CELSR1: variants seen among roughly 807,000 people sequenced by gnomAD.
CELSR1 encodes the protein adhesion G protein-coupled receptor C1.
CELSR1 carries 110 observed loss-of-function variants against 249.1 expected under a neutral mutation model. The observed-to-expected ratio is 0.44, with a 90% CI of 0.38 to 0.52. The LOEUF is 0.52. Among genes scored for constraint, CELSR1 ranks in the 20% least tolerant of loss-of-function variants. CELSR1 has a pLI of 0.00. For synonymous variants in CELSR1, 2,113 were observed against 1,900.0 expected (o/e 1.11, Z -2.92); for missense variants, 4,109 against 4,296.4 (o/e 0.96, Z 1.22).
Position 46,423,563 on chromosome 22 carries a change from C to A in CELSR1, c.4611+9830G>T, listed in dbSNP as rs1315511630. On this transcript the variant is annotated intron_variant, in intron 5 of 34. Transcript: ENST00000674500. The surrounding 1 kb of genome is among the most constrained non-coding windows in gnomAD (Gnocchi z 5.6). ...GAGGTTGCGGTGAGCCGAGATCGCGCCTTTACACTCCAGCCTGGGCAACAG... is the reference window on the plus strand; with the variant it reads ...GAGGTTGCGGTGAGCCGAGATCGCGACTTTACACTCCAGCCTGGGCAACAG... Among the ~76,000 whole-genome samples, 2 of 148,082 alleles carry A rather than the reference C, an allele frequency of 1.4e-5. No individual in the cohort carries two copies. Among genetic ancestry groups the A allele is most frequent in the East Asian group, 4.0e-4 (2 of 4,994 alleles).
rs184550349 is a variant in CELSR1 at position 46,441,088 on chromosome 22, G to C, written c.4184-1677C>G. ...GAACTGCTTCAACCCGGGAGGCGGA[G>C]GTTGTAGCGAGCCGAGGTCACACTA... On this transcript the variant is annotated intron_variant, in intron 2 of 34. Coordinates refer to ENST00000674500, the MANE Select transcript of CELSR1 (RefSeq NM_001378328.1). This position sits in a 1 kb window ranked among gnomAD's most constrained non-coding sequence, Gnocchi z 6.1. Among the ~76,000 whole-genome samples, 787 of 151,912 alleles carry C rather than the reference G, an allele frequency of 5.2e-3. 7 individuals are homozygous for C. The highest frequency in any genetic ancestry group is 0.018 in the African/African-American group (748 of 41,398).
chr22:46,372,581 C>A (rs575512674), intron 25 of CELSR1, among the ~76,000 whole-genome samples: 1 of 151,756 alleles, frequency 6.6e-6, no homozygotes, highest in Non-Finnish European at 1.5e-5. Flanking sequence ...CTCACTCGCT[C>A]TTCCCTCCAT....
rs537034160 is a variant in CELSR1 at position 46,446,007 on chromosome 22, G to A, written c.4184-6596C>T. 6.6e-5 allele frequency among the ~76,000 whole-genome samples: 10 copies of A among 152,048 alleles called. No homozygotes were observed. The South Asian group carries it at 1.7e-3, about 25-fold the overall frequency. ...CAGACCTACTTGTCCCTTGCCTCGC[G>A]ACAGCACAGTCCTCCACAACGCTGG... On this transcript the variant is annotated intron_variant, in intron 2 of 34. Coordinates refer to ENST00000674500, the MANE Select transcript of CELSR1 (RefSeq NM_001378328.1). This position sits in a 1 kb window ranked among gnomAD's most constrained non-coding sequence, Gnocchi z 5.5.
chr22:46,436,623 C>T lies in CELSR1; in HGVS notation c.4407-334G>A, dbSNP rs1263464502. Among the ~76,000 whole-genome samples, 1 of 152,152 alleles carries T rather than the reference C, an allele frequency of 6.6e-6. No homozygotes were observed. The highest frequency in any genetic ancestry group is 1.5e-5 in the Non-Finnish European group (1 of 68,034). ...GTGTTTGGGCAAAGCACGTGCTGTA[C>T]ATTTTCTGCTGCTGTGAACAGATCC... On this transcript the variant is annotated intron_variant, in intron 3 of 34. Coordinates refer to ENST00000674500, the MANE Select transcript of CELSR1 (RefSeq NM_001378328.1). The surrounding 1 kb of genome is among the most constrained non-coding windows in gnomAD (Gnocchi z 5.9).
chr22:46,402,908 C>A lies in CELSR1; in HGVS notation c.5227-3006G>T, dbSNP rs568432338. Among the ~76,000 whole-genome samples, 14 of 151,930 alleles carry A rather than the reference C, an allele frequency of 9.2e-5. No individual in the cohort carries two copies. Among genetic ancestry groups the A allele is most frequent in the Non-Finnish European group, 1.5e-4 (10 of 68,004 alleles). On this transcript the variant is annotated intron_variant, in intron 9 of 34. Transcript: ENST00000674500. This position sits in a 1 kb window ranked among gnomAD's most constrained non-coding sequence, Gnocchi z 5.0. ...CTATTAGCACACTGCTTATATTATACCTGAAATATAAGGATACAGAAAATG... is the reference window on the plus strand; with the variant it reads ...CTATTAGCACACTGCTTATATTATAACTGAAATATAAGGATACAGAAAATG...
At chr22:46,460,673 A>G (rs2080015446) in intron 2 of CELSR1, among the ~76,000 whole-genome samples, 1 of 152,206 alleles carries the variant, frequency 6.6e-6, no homozygotes, top group Non-Finnish European at 1.5e-5. Context: ...CTGGGAGGCC[A>G]TCCCAGGCAC....
intron 27 of CELSR1, 33 bp from the exon 28 acceptor site, chr22:46,367,888 C>A (rs756058174): frequency 3.8e-6 from 6 of 1,590,578 alleles, no homozygotes; most frequent in Middle Eastern, 2.2e-4. Flanking sequence ...CTGTGCCCAT[C>A]GCCACCACCT....
intron 1 of CELSR1, chr22:46,530,572 T>C (rs1167768757): frequency 6.6e-6 from 1 of 152,134 alleles, no homozygotes; most frequent in Non-Finnish European, 1.5e-5. Flanking sequence ...TAAAATCTCA[T>C]TCAAAAACTA....
Position 46,446,112 on chromosome 22 carries a change from C to T in CELSR1, c.4184-6701G>A, listed in dbSNP as rs996732509. ...AGCCTAAGGGGTCCCAGGGCCCAGC[C>T]CCCAGCCACACACCCAGCCCCCTCC... On this transcript the variant is annotated intron_variant, in intron 2 of 34. Transcript: ENST00000674500. The surrounding 1 kb of genome is among the most constrained non-coding windows in gnomAD (Gnocchi z 5.5). 6.6e-6 allele frequency among the ~76,000 whole-genome samples: 1 copy of T among 152,184 alleles called. No homozygotes were observed. Among genetic ancestry groups the T allele is most frequent in the African/African-American group, 2.4e-5 (1 of 41,454 alleles).
chr22:46,432,983 A>T (rs1187523387), intron 5 of CELSR1, among the ~76,000 whole-genome samples: 1 of 152,128 alleles, frequency 6.6e-6, no homozygotes, highest in African/African-American at 2.4e-5. Context: ...AAAAAAATTC[A>T]GAGCACAAAT....
intron 19 of CELSR1, among the ~76,000 whole-genome samples, chr22:46,385,711 T>A: frequency 6.8e-6 from 1 of 146,980 alleles, no homozygotes. Flanking sequence ...GGAGTCTGGC[T>A]CTCTCGCCCA....
chr22:46,482,034 A>G (rs2080271597), intron 1 of CELSR1, among the ~76,000 whole-genome samples: 1 of 152,154 alleles, frequency 6.6e-6, no homozygotes, highest in South Asian at 2.1e-4. Flanking sequence ...CAGCCTCCCA[A>G]AGTGCTGGGA....
chr22:46,366,364 G>A (rs186247668), intron 30 of CELSR1, 22 bp downstream of exon 30: 40 of 1,538,536 alleles, frequency 2.6e-5, no homozygotes, highest in African/African-American at 1.7e-4. Context: ...CCACCTCCCC[G>A]AACCCGGAGC....
Position 46,468,107 on chromosome 22 carries a change from G to T in CELSR1, c.3545-3762C>A, listed in dbSNP as rs1485546424. On this transcript the variant is annotated intron_variant, in intron 1 of 34. Coordinates refer to ENST00000674500, the MANE Select transcript of CELSR1 (RefSeq NM_001378328.1). The surrounding 1 kb of genome is among the most constrained non-coding windows in gnomAD (Gnocchi z 4.5). ...TAACGGATTAAAACAATGTGGTCTGGCCAGGTGTGGTGGCTTACACCTGTA... is the reference window on the plus strand; with the variant it reads ...TAACGGATTAAAACAATGTGGTCTGTCCAGGTGTGGTGGCTTACACCTGTA... 1.3e-5 allele frequency among the ~76,000 whole-genome samples: 2 copies of T among 151,894 alleles called. No individual in the cohort carries two copies. Among genetic ancestry groups the T allele is most frequent in the Non-Finnish European group, 2.9e-5 (2 of 67,996 alleles).
At chr22:46,386,190 C>T (rs1175931366) in intron 19 of CELSR1, among the ~76,000 whole-genome samples, 1 of 152,082 alleles carries the variant, frequency 6.6e-6, no homozygotes, top group East Asian at 1.9e-4. Context: ...GGCTGGTCTC[C>T]AACTCCTGAC....
At chr22:46,470,093 A>C (rs1569186765) in intron 1 of CELSR1, among the ~76,000 whole-genome samples, 1 of 142,210 alleles carries the variant, frequency 7.0e-6, no homozygotes. Context: ...TTTTCATGTG[A>C]GCTATTTTTT....
chr22:46,488,910 C>T lies in CELSR1; in HGVS notation c.3545-24565G>A, dbSNP rs1015545297. ...TCCTGACCTCATGATCCGCCTGCCT[C>T]GGCTTCCCAAAGTGTTGGGATTACA... is the stretch of plus-strand genomic sequence containing the variant. On this transcript the variant is annotated intron_variant, in intron 1 of 34. Transcript: ENST00000674500. The surrounding 1 kb of genome is among the most constrained non-coding windows in gnomAD (Gnocchi z 4.7). Among the ~76,000 whole-genome samples the T allele has an allele frequency of 5.3e-5, 8 of 152,106 alleles. No individual in the cohort carries two copies. The South Asian group carries it at 1.0e-3, about 20-fold the overall frequency.
At chr22:46,493,824 C>T (rs537739411) in intron 1 of CELSR1, among the ~76,000 whole-genome samples, 1 of 152,084 alleles carries the variant, frequency 6.6e-6, no homozygotes, top group African/African-American at 2.4e-5. Context: ...CCTTTGCTTT[C>T]CACCATGATT....
Position 46,534,151 on chromosome 22 carries a change from A to C in CELSR1, c.3020T>G (p.Phe1007Cys). ...PMFEKDELEL[F>C]VEENNPVGSV... is the part of the protein sequence containing the mutation. ...CCCCACTGGGTTGTTCTCCTCAACA[A>C]ACAGCTCCAGTTCGTCCTTCTCAAA... The change falls in exon 1 of 35, where the codon TTT (phenylalanine) becomes TGT (cysteine). Residue 1007 changes from phenylalanine (F) to cysteine (C), a missense_variant. Around this residue, in one of 7 missense-constraint regions of CELSR1, gnomAD observed 886 missense variants for 896.5 expected, o/e 0.99. Coordinates refer to ENST00000674500, the MANE Select transcript of CELSR1 (RefSeq NM_001378328.1). This position sits in a 1 kb window ranked among gnomAD's most constrained non-coding sequence, Gnocchi z 9.7. 6.2e-7 allele frequency: 1 copy of C among 1,613,854 alleles called. No individual in the cohort carries two copies. The highest frequency in any genetic ancestry group is 8.5e-7 in the Non-Finnish European group (1 of 1,180,038).
Sources: allele counts gnomAD v4.1 joint callset (sites outside exome capture counted in the v4.1 genomes callset), GRCh38; gene constraint gnomAD v4.1.1; regional missense constraint gnomAD v4.1.1; non-coding constraint Gnocchi (gnomAD v3.1); transcripts MANE v1.5; gene names NCBI Gene and HGNC (gene_info 2026-07-23, HGNC 2026-07-21).